CHCHD3: variants seen among roughly 807,000 people sequenced by gnomAD.
The protein encoded by CHCHD3 is coiled-coil-helix-coiled-coil-helix domain containing 3.
A neutral mutation model predicts 38.2 loss-of-function variants in CHCHD3; 20 were observed. The observed-to-expected ratio is 0.52, with a 90% CI of 0.37 to 0.76. The LOEUF is 0.76. Ranked by LOEUF, CHCHD3 falls within the 30% of genes least tolerant of loss-of-function variation. CHCHD3 has a pLI of 0.00. For synonymous variants in CHCHD3, 82 were observed against 100.0 expected, an observed-to-expected ratio of 0.82 and a Z score of 1.07; for missense variants, 245 against 279.2, an observed-to-expected ratio of 0.88 and a Z score of 0.87.
intron 2 of CHCHD3, among the ~76,000 whole-genome samples, chr7:133,027,270 T>C (rs1813367405): frequency 6.6e-6 from 1 of 151,738 alleles, no homozygotes; most frequent in Non-Finnish European, 1.5e-5. Flanking sequence ...TGTGTGATGG[T>C]TGCACAACTC....
chr7:132,917,902 G>A (rs1411199681), intron 4 of CHCHD3, among the ~76,000 whole-genome samples: 6 of 147,394 alleles, frequency 4.1e-5, no homozygotes, highest in African/African-American at 1.0e-4. Flanking sequence ...CATCTTTTGA[G>A]CATCAAATTA....
chr7:132,982,738 C>G (rs944664438), intron 3 of CHCHD3, among the ~76,000 whole-genome samples: 4 of 152,132 alleles, frequency 2.6e-5, no homozygotes, highest in Non-Finnish European at 1.5e-5. Flanking sequence ...GGATGAAAAG[C>G]TGAGGCACAG....
intron 5 of CHCHD3, among the ~76,000 whole-genome samples, chr7:132,838,855 T>C (rs1230929203): frequency 6.6e-6 from 1 of 152,148 alleles, no homozygotes; most frequent in African/African-American, 2.4e-5. Flanking sequence ...ATTATTCCAT[T>C]GGTGTTCCTA....
chr7:132,788,167 C>T lies in CHCHD3; in HGVS notation c.661-2507G>A, dbSNP rs1349294100. 2.0e-5 allele frequency among the ~76,000 whole-genome samples: 3 copies of T among 152,118 alleles called. No homozygotes were observed. Among genetic ancestry groups the T allele is most frequent in the Non-Finnish European group, 4.4e-5 (3 of 68,038 alleles). The stretch of plus-strand genomic sequence containing the variant: ...CTATAAATTCCAGATATATAGACAA[C>T]CTCACTACATCATGCTTTATTAAAT... On this transcript the variant is annotated intron_variant, in intron 7 of 7. Transcript: ENST00000262570. This position sits in a 1 kb window ranked among gnomAD's most constrained non-coding sequence, Gnocchi z 4.0.
chr7:132,931,881 C>A (rs1810523499), intron 4 of CHCHD3, among the ~76,000 whole-genome samples: 2 of 152,080 alleles, frequency 1.3e-5, no homozygotes, highest in South Asian at 4.2e-4. Flanking sequence ...AAGAAGAAAC[C>A]CACTGTGCAG....
chr7:132,856,070 T>C (rs1433506239), intron 5 of CHCHD3, among the ~76,000 whole-genome samples: 3 of 152,180 alleles, frequency 2.0e-5, no homozygotes, highest in Admixed American at 2.0e-4. Context: ...CAAGGGGTGA[T>C]AATAAAATGC....
At chr7:133,011,198 T>C (rs1488429198) in intron 3 of CHCHD3, among the ~76,000 whole-genome samples, 1 of 152,170 alleles carries the variant, frequency 6.6e-6, no homozygotes, top group African/African-American at 2.4e-5. Flanking sequence ...GGTGTAAATG[T>C]GTAACAATAG....
At chr7:132,800,049 A>G (rs1020419152) in intron 6 of CHCHD3, among the ~76,000 whole-genome samples, 2 of 152,180 alleles carry the variant, frequency 1.3e-5, no homozygotes, top group South Asian at 2.1e-4. Flanking sequence ...TCACCAGTAA[A>G]ACATTCTTTG....
intron 4 of CHCHD3, among the ~76,000 whole-genome samples, chr7:132,970,049 C>T (rs1302682456): frequency 6.6e-6 from 1 of 152,138 alleles, no homozygotes; most frequent in Non-Finnish European, 1.5e-5. Flanking sequence ...CAATTATAAA[C>T]AGGACCTAGG....
intron 5 of CHCHD3, among the ~76,000 whole-genome samples, chr7:132,860,107 C>A (rs1367566012): frequency 6.6e-6 from 1 of 151,754 alleles, no homozygotes; most frequent in African/African-American, 2.4e-5. Context: ...CATGTCTACA[C>A]AAAAAAATAC....
At chr7:132,825,752 C>T (rs1371466951) in intron 6 of CHCHD3, among the ~76,000 whole-genome samples, 1 of 152,204 alleles carries the variant, frequency 6.6e-6, no homozygotes, top group Non-Finnish European at 1.5e-5. Flanking sequence ...ATCACTTCAT[C>T]TTGTTCAAGA....
chr7:132,805,319 G>A (rs1209638420), intron 6 of CHCHD3, among the ~76,000 whole-genome samples: 1 of 152,058 alleles, frequency 6.6e-6, no homozygotes, highest in Non-Finnish European at 1.5e-5. Context: ...CGTGGACAGT[G>A]TGGGGGAAGG....
At chr7:132,942,348 CT>C (rs1484524262) in intron 4 of CHCHD3, among the ~76,000 whole-genome samples, 4 of 152,102 alleles carry the variant, frequency 2.6e-5, no homozygotes, top group African/African-American at 9.7e-5. Context: ...AAAATATATT[CT>C]TTTTTTCATA....
At chr7:132,990,943 G>GACACACACACACACACACACACACAC (rs1201876742) in intron 3 of CHCHD3, among the ~76,000 whole-genome samples, 1 of 79,426 alleles carries the variant, frequency 1.3e-5, no homozygotes, top group African/African-American at 5.0e-5. Flanking sequence ...CCCCTACACA[G>GACACACACACACACACACACACACAC]ACACACATAC....
At chr7:133,081,767 G>C in intron 1 of CHCHD3, 90 bp downstream of exon 1, 1 of 1,344,644 alleles carries the variant, frequency 7.4e-7, no homozygotes, top group Admixed American at 2.0e-5. Context: ...GTCCAGGACG[G>C]GAGAAACCCA....
chr7:132,963,306 G>GAATTTTAAACTTGTAC (rs1332232510), intron 4 of CHCHD3, among the ~76,000 whole-genome samples: 1 of 143,962 alleles, frequency 6.9e-6, no homozygotes, highest in African/African-American at 2.5e-5. Flanking sequence ...TTTAAGAAAG[G>GAATTTTAAACTTGTAC]AATTTTAAAA....
At chr7:132,812,743 T>C (rs1185278557) in intron 6 of CHCHD3, among the ~76,000 whole-genome samples, 1 of 152,170 alleles carries the variant, frequency 6.6e-6, no homozygotes, top group Non-Finnish European at 1.5e-5. Context: ...CAAGATTTCC[T>C]ACCTCTCTTG....
At chr7:132,984,094 G>T (rs1812003978) in intron 3 of CHCHD3, among the ~76,000 whole-genome samples, 1 of 78,116 alleles carries the variant, frequency 1.3e-5, no homozygotes, top group Admixed American at 1.5e-4. Flanking sequence ...CTCTTTCCAC[G>T]GTCTCCCCCT....
chr7:132,838,167 C>T lies in CHCHD3; in HGVS notation c.524+232G>A, dbSNP rs185693428. Among the ~76,000 whole-genome samples, 564 of 152,128 alleles carry T rather than the reference C, an allele frequency of 3.7e-3. 2 individuals carry two copies. Among genetic ancestry groups the T allele is most frequent in the South Asian group, 0.018 (88 of 4,810 alleles). ...ATACTATTACCATTGCTTTCAATTT[C>T]CCCCTAGTTCATAAAATACATGGAT... On this transcript the variant is annotated intron_variant, in intron 6 of 7. Coordinates refer to ENST00000262570, the MANE Select transcript of CHCHD3 (RefSeq NM_017812.4).
Sources: gnomAD v4.1 joint callset for allele counts (sites outside exome capture counted in the v4.1 genomes callset) on GRCh38, gnomAD v4.1.1 for gene constraint, Gnocchi (gnomAD v3.1) non-coding constraint, MANE v1.5 for transcripts, NCBI Gene and HGNC (gene_info 2026-07-23, HGNC 2026-07-21) for gene names.